Variants in PITPNA observed in about 807,000 individuals in gnomAD.
PITPNA encodes the protein phosphatidylinositol transfer protein alpha isoform.
Under a neutral mutation model 50.3 loss-of-function variants are expected in PITPNA, and 13 were observed. That is an observed-to-expected ratio of 0.26 (90% CI 0.17 to 0.41). The LOEUF (loss-of-function observed/expected upper bound fraction) is 0.41. Ranked by LOEUF, PITPNA falls within the 10% of genes least tolerant of loss-of-function variation. The probability of loss-of-function intolerance (pLI) is 1.00; values close to 1 mark genes in which losing one functional copy is unlikely to be tolerated. For synonymous variants in PITPNA, 120 were observed against 119.6 expected (o/e 1.00, Z -0.02); for missense variants, 207 against 333.4 (o/e 0.62, Z 2.95).
intron 3 of PITPNA, among the ~76,000 whole-genome samples, chr17:1,548,980 C>A (rs749390882): frequency 6.6e-6 from 1 of 152,190 alleles, no homozygotes; most frequent in Non-Finnish European, 1.5e-5. Context: ...CGGGTAACTG[C>A]AACCTCCACC....
intron 10 of PITPNA, among the ~76,000 whole-genome samples, chr17:1,531,421 T>C (rs1434891163): frequency 6.6e-6 from 1 of 151,930 alleles, no homozygotes; most frequent in Non-Finnish European, 1.5e-5. Flanking sequence ...TCCCAGCTAC[T>C]GGGGAGGCTG....
At chr17:1,545,676 C>T (rs2075669725) in intron 4 of PITPNA, among the ~76,000 whole-genome samples, 2 of 152,084 alleles carry the variant, frequency 1.3e-5, no homozygotes, top group African/African-American at 4.8e-5. Context: ...TTCTTTTGGC[C>T]AAGGATCAAT....
In PITPNA at chr17:1,543,418, G is replaced by C. The variant is rs559247538; in HGVS notation, c.290-391C>G. On this transcript the variant is annotated intron_variant, in intron 4 of 11. Transcript: ENST00000313486. ...CTCTACCTCCCGGGGCACAGAGCAG[G>C]GTGCTTTGGCCATGCACTGTATCTG... is the stretch of plus-strand genomic sequence containing the variant. Among the ~76,000 whole-genome samples, 3 of 152,178 alleles carry C rather than the reference G, an allele frequency of 2.0e-5. No individual in the cohort carries two copies. In the East Asian group the frequency reaches 5.8e-4, roughly 29 times the overall value.
intron 2 of PITPNA, among the ~76,000 whole-genome samples, chr17:1,557,959 G>A (rs1333018841): frequency 3.9e-5 from 6 of 152,200 alleles, no homozygotes; most frequent in African/African-American, 9.7e-5. Context: ...GGCCGGGTGT[G>A]GGGGCTCACG....
At chr17:1,535,049 AC>A in intron 9 of PITPNA, 132 bp downstream of exon 9, 3 of 608,478 alleles carry the variant, frequency 4.9e-6, no homozygotes, top group Non-Finnish European at 8.9e-6. Context: ...GTTCTCCACC[AC>A]CCCCCACCGC....
intron 2 of PITPNA, among the ~76,000 whole-genome samples, chr17:1,556,205 C>T (rs920774266): frequency 6.6e-6 from 1 of 152,180 alleles, no homozygotes; most frequent in African/African-American, 2.4e-5. Flanking sequence ...AACTAAGTTC[C>T]GCTTCGACCC....
At chr17:1,524,434 A>AT (rs34392157) in intron 10 of PITPNA, among the ~76,000 whole-genome samples, 2 of 137,392 alleles carry the variant, frequency 1.5e-5, no homozygotes, top group Non-Finnish European at 3.1e-5. Flanking sequence ...TAATTTTTGT[A>AT]TTTTTTGTAG....
intron 10 of PITPNA, among the ~76,000 whole-genome samples, chr17:1,527,302 G>C (rs1438559479): frequency 1.3e-5 from 2 of 152,090 alleles, no homozygotes; most frequent in African/African-American, 4.8e-5. Flanking sequence ...GGAGTACAAT[G>C]GTGCGATCTC....
At chr17:1,521,723 TG>T in intron 10 of PITPNA, 78 bp from the exon 11 acceptor site, 1 of 1,178,268 alleles carries the variant, frequency 8.5e-7, no homozygotes, top group Non-Finnish European at 1.3e-6. Context: ...TGCCCATAGG[TG>T]GGGTGGGGCA....
intron 6 of PITPNA, 121 bp downstream of exon 6, chr17:1,541,445 G>A (rs527242818): frequency 2.9e-5 from 21 of 734,666 alleles, no homozygotes; most frequent in Admixed American, 2.2e-4. Flanking sequence ...CTAGGCAGAG[G>A]CCACTGCCTT....
At chr17:1,530,207 C>A (rs1273849115) in intron 10 of PITPNA, among the ~76,000 whole-genome samples, 1 of 152,094 alleles carries the variant, frequency 6.6e-6, no homozygotes, top group African/African-American at 2.4e-5. Context: ...AGTAATCAAG[C>A]AAAGGCTGGT....
At chr17:1,536,443 A>T (rs534682914) in intron 7 of PITPNA, among the ~76,000 whole-genome samples, 32 of 150,726 alleles carry the variant, frequency 2.1e-4, no homozygotes, top group Admixed American at 9.9e-4. Context: ...GCCCGCCACC[A>T]TGCCCGGCTA....
Position 1,538,850 on chromosome 17 carries a change from G to A in PITPNA, c.456+19C>T, listed in dbSNP as rs186502673. On this transcript the variant is annotated intron_variant, in intron 7 of 11. Coordinates refer to ENST00000313486, the MANE Select transcript of PITPNA (RefSeq NM_006224.4). ...TTTCTGCGTCTCGAAGGCCACCCAC[G>A]TCTTTAAACGGATCCTACCTTGCTG... The A allele has an allele frequency of 2.1e-5, 33 of 1,550,882 alleles. No homozygotes were observed. Among genetic ancestry groups the A allele is most frequent in the Non-Finnish European group, 2.5e-5 (28 of 1,123,904 alleles).
At chr17:1,548,714 G>A (rs2075691909) in intron 3 of PITPNA, among the ~76,000 whole-genome samples, 1 of 152,068 alleles carries the variant, frequency 6.6e-6, no homozygotes, top group Non-Finnish European at 1.5e-5. Flanking sequence ...ACTACAAGGT[G>A]CGAGAAAAAC....
At chr17:1,535,656 T>A (rs969767310) in intron 7 of PITPNA, 138 bp from the exon 8 acceptor site, 16 of 681,788 alleles carry the variant, frequency 2.3e-5, no homozygotes, top group Non-Finnish European at 4.0e-5. Flanking sequence ...GAAAATGTTA[T>A]AAACAAGATG....
Position 1,562,294 on chromosome 17 carries a change from G to A in PITPNA, c.20+247C>T, listed in dbSNP as rs1432313782. On this transcript the variant is annotated intron_variant, in intron 1 of 11. Transcript: ENST00000313486. The surrounding 1 kb of genome is among the most constrained non-coding windows in gnomAD (Gnocchi z 6.4). ...GTGGGCCCCGGCTCAGATGCCGAACGCCCCGGCTGCCCCTCCACGCCCCGG... is the reference window on the plus strand; with the variant it reads ...GTGGGCCCCGGCTCAGATGCCGAACACCCCGGCTGCCCCTCCACGCCCCGG... 6.6e-6 allele frequency among the ~76,000 whole-genome samples: 1 copy of A among 150,452 alleles called. No homozygotes were observed. The highest frequency in any genetic ancestry group is 1.5e-5 in the Non-Finnish European group (1 of 67,468).
intron 4 of PITPNA, among the ~76,000 whole-genome samples, chr17:1,545,942 T>TA (rs1555531824): frequency 6.1e-5 from 7 of 115,244 alleles, no homozygotes; most frequent in African/African-American, 1.4e-4. Context: ...TTTTTTTTTT[T>TA]AATAAACGGA....
intron 10 of PITPNA, among the ~76,000 whole-genome samples, chr17:1,528,433 C>T (rs1352146424): frequency 6.6e-6 from 1 of 152,116 alleles, no homozygotes; most frequent in Non-Finnish European, 1.5e-5. Flanking sequence ...TTTGAGCCAC[C>T]GTGCCTTAAA....
At chr17:1,557,281 C>T (rs1001895448) in intron 2 of PITPNA, among the ~76,000 whole-genome samples, 4 of 152,222 alleles carry the variant, frequency 2.6e-5, no homozygotes, top group Admixed American at 6.5e-5. Flanking sequence ...CCACCCCTCT[C>T]GGGGGCCAAC....
Sources: allele counts gnomAD v4.1 joint callset (sites outside exome capture counted in the v4.1 genomes callset), GRCh38; gene constraint gnomAD v4.1.1; non-coding constraint Gnocchi (gnomAD v3.1); transcripts MANE v1.5; gene names NCBI Gene and HGNC (gene_info 2026-07-23, HGNC 2026-07-21).